HSPG2: variants seen among roughly 807,000 people sequenced by gnomAD.
The protein encoded by HSPG2 is heparan sulfate proteoglycan 2.
Under a neutral mutation model 526.6 loss-of-function variants are expected in HSPG2, and 278 were observed. The observed-to-expected ratio is 0.53, with a 90% CI of 0.48 to 0.58. The LOEUF (loss-of-function observed/expected upper bound fraction) is 0.58, where lower values mean the gene tolerates loss of function less well. Among genes scored for constraint, HSPG2 ranks in the 20% least tolerant of loss-of-function variants. HSPG2 has a pLI of 0.00. For synonymous variants in HSPG2, 2,465 were observed against 2,555.4 expected (o/e 0.96, Z 1.07); for missense variants, 5,354 against 6,099.5 (o/e 0.88, Z 4.07).
chr1:21,828,301 G>A lies in HSPG2; in HGVS notation c.12363C>T (p.Pro4121=), dbSNP rs761632172. ...QPCQHGATCM[P]AGEYEFQCLC... is the part of the protein sequence containing the mutation. ...GGCACTGGAACTCATACTCGCCAGC[G>A]GGCATGCACGTGGCACCATGTTGGC... The change falls in exon 89 of 97, where the codon CCC becomes CCT. Residue 4121 remains proline (P), a synonymous_variant. Transcript: ENST00000374695. This position sits in a 1 kb window ranked among gnomAD's most constrained non-coding sequence, Gnocchi z 6.0. 7.4e-6 allele frequency: 12 copies of A among 1,613,806 alleles called. No individual in the cohort carries two copies. Among genetic ancestry groups the A allele is most frequent in the South Asian group, 3.3e-5 (3 of 91,088 alleles).
chr1:21,828,045 G>A lies in HSPG2; in HGVS notation c.12517C>T (p.Pro4173Ser), dbSNP rs2097984462. 1 of 1,613,642 alleles carries A rather than the reference G, an allele frequency of 6.2e-7. No individual in the cohort carries two copies. Among genetic ancestry groups the A allele is most frequent in the East Asian group, 2.2e-5 (1 of 44,886 alleles). Reference protein sequence around the residue: ...RCLCLPGFSGPRCQQGSGHGI... With the variant: ...RCLCLPGFSGSRCQQGSGHGI... ...GCCTGGGTACCTTGTTGGCAGCGTG[G>A]GCCAGAGAAGCCAGGGAGGCAGAGG... The change falls in exon 90 of 97, where the codon CCA becomes TCA. Residue 4173 changes from proline to serine, a missense_variant. Transcript: ENST00000374695. The surrounding 1 kb of genome is among the most constrained non-coding windows in gnomAD (Gnocchi z 6.0).
chr1:21,870,180 G>A (rs1241785261), intron 33 of HSPG2: 2 of 922,634 alleles, frequency 2.2e-6, no homozygotes, highest in Non-Finnish European at 2.6e-6. Flanking sequence ...TGTGGCCCTA[G>A]GTACAACCTG....
At position 21,829,090 on chromosome 1, in the gene HSPG2, T is replaced by C; in HGVS notation, c.11993-11A>G. ...GCAGAACGGCCAGCCCTGGGGAGGA[T>C]GCCAGGCAGGGTTGGGCACATGGGG... is the stretch of plus-strand genomic sequence containing the variant. On this transcript the variant is annotated splice_polypyrimidine_tract_variant and intron_variant, in intron 87 of 96. Transcript: ENST00000374695. The C allele has an allele frequency of 6.5e-7, 1 of 1,534,366 alleles. No homozygotes were observed. Among genetic ancestry groups the C allele is most frequent in the Non-Finnish European group, 8.7e-7 (1 of 1,143,498 alleles).
chr1:21,906,705 T>A (rs935923539), intron 1 of HSPG2, among the ~76,000 whole-genome samples: 9 of 116,176 alleles, frequency 7.7e-5, no homozygotes, highest in Non-Finnish European at 1.6e-5. Flanking sequence ...CCTAAATGAC[T>A]GAAGCAACAT....
rs550355410 is a variant in HSPG2, at chr1:21,904,522, C to A, written c.64-8212G>T. On this transcript the variant is annotated intron_variant, in intron 1 of 96. Coordinates refer to ENST00000374695, the MANE Select transcript of HSPG2 (RefSeq NM_005529.7). This position sits in a 1 kb window ranked among gnomAD's most constrained non-coding sequence, Gnocchi z 4.4. Reference sequence around the variant, plus strand: ...GCTAGTCACAGAGGCCAAGTCTCCCCTGTACCCCCAGAGTCCCTGCACTCT... The same window carrying A: ...GCTAGTCACAGAGGCCAAGTCTCCCATGTACCCCCAGAGTCCCTGCACTCT... Among the ~76,000 whole-genome samples, 23 of 152,308 alleles carry A rather than the reference C, an allele frequency of 1.5e-4. No homozygotes were observed. The highest frequency in any genetic ancestry group is 3.2e-4 in the Non-Finnish European group (22 of 68,014).
rs1423652646 is a variant in HSPG2 at position 21,832,439 on chromosome 1, C to T, written c.11207+56G>A. ...ATAATGGAGCCCAGGGTAGCACTTG[C>T]CAGACCAAAGCCCTGTGTCCAGTCC... On this transcript the variant is annotated intron_variant, in intron 81 of 96. Transcript: ENST00000374695. 4.2e-6 allele frequency: 6 copies of T among 1,440,488 alleles called. No individual in the cohort carries two copies. The East Asian group carries it at 1.1e-4, about 27-fold the overall frequency. 89.2% of individuals were successfully genotyped at this position (1,440,488 alleles called of 1,614,324 possible).
At chr1:21,873,294 G>A (rs2152745525) in intron 30 of HSPG2, 81 bp downstream of exon 30, 9 of 1,504,938 alleles carry the variant, frequency 6.0e-6, no homozygotes, top group South Asian at 1.1e-5. Context: ...CAAAGCCAAA[G>A]GGGAGTAAAG....
chr1:21,887,193 A>G lies in HSPG2; in HGVS notation c.1078+22T>C. 2 of 1,596,554 alleles carry G rather than the reference A, an allele frequency of 1.3e-6. No homozygotes were observed. The highest frequency in any genetic ancestry group is 2.3e-5 in the East Asian group (1 of 43,220). On this transcript the variant is annotated intron_variant, in intron 9 of 96. Coordinates refer to ENST00000374695, the MANE Select transcript of HSPG2 (RefSeq NM_005529.7). This position sits in a 1 kb window ranked among gnomAD's most constrained non-coding sequence, Gnocchi z 5.0. ...GGCCTGGGCAGGGCAAGGGGGCCTC[A>G]GCTGGACCCTCGGATACTCACGGCA...
chr1:21,844,210 C>G lies in HSPG2; in HGVS notation c.8554G>C (p.Gly2852Arg). The change falls in exon 65 of 97, where the codon GGG (glycine) becomes CGG (arginine). Residue 2852 changes from glycine (G) to arginine (R), a missense_variant. Coordinates refer to ENST00000374695, the MANE Select transcript of HSPG2 (RefSeq NM_005529.7). ...CACGTGACCTGGGCGTGGGCCTGCC[C>G]GGGCACCACGCACTTCAGATCCAGG... ...QTLDLKCVVP[G>R]QAHAQVTWHK... is the part of the protein sequence containing the mutation. The G allele has an allele frequency of 6.2e-7, 1 of 1,613,784 alleles. No homozygotes were observed. Among genetic ancestry groups the G allele is most frequent in the Non-Finnish European group, 8.5e-7 (1 of 1,180,026 alleles).
At chr1:21,868,826 G>A (rs560540791) in intron 33 of HSPG2, 8 of 499,230 alleles carry the variant, frequency 1.6e-5, no homozygotes, top group South Asian at 1.7e-4. Context: ...CTTGACAAAG[G>A]GCCCTCTGAT....
At position 21,830,107 on chromosome 1, in the gene HSPG2, G is replaced by C; in HGVS notation, c.11672-16C>G. ...CCACAGGCCTCTGGGGGGCACATAG[G>C]CCAGTGAAAAGACACGGAGGTGACT... On this transcript the variant is annotated splice_polypyrimidine_tract_variant and intron_variant, in intron 85 of 96. Coordinates refer to ENST00000374695, the MANE Select transcript of HSPG2 (RefSeq NM_005529.7). 1 of 1,577,646 alleles carries C rather than the reference G, an allele frequency of 6.3e-7. No homozygotes were observed. Among genetic ancestry groups the C allele is most frequent in the South Asian group, 1.1e-5 (1 of 87,070 alleles).
At position 21,859,678 on chromosome 1, in the gene HSPG2, T is replaced by C. The variant is rs1339844921; in HGVS notation, c.5183-2A>G. 1.2e-6 allele frequency: 2 copies of C among 1,605,644 alleles called. No homozygotes were observed. Among genetic ancestry groups the C allele is most frequent in the African/African-American group, 1.3e-5 (1 of 74,946 alleles). Reference sequence around the variant, plus strand: ...CGCTGGGGAAGTGGAGCTCGGAGCCTGGTGGGGAGGAGACAAGAGCTTGTT... The same window carrying C: ...CGCTGGGGAAGTGGAGCTCGGAGCCCGGTGGGGAGGAGACAAGAGCTTGTT... On this transcript the variant is annotated splice_acceptor_variant, in intron 41 of 96. Transcript: ENST00000374695. LOFTEE classifies it high-confidence loss of function. This position sits in a 1 kb window ranked among gnomAD's most constrained non-coding sequence, Gnocchi z 5.3.
Position 21,872,783 on chromosome 1 carries a change from G to A in HSPG2, c.3889-23C>T, listed in dbSNP as rs1640753523. 1 of 1,604,792 alleles carries A rather than the reference G, an allele frequency of 6.2e-7. No homozygotes were observed. Among genetic ancestry groups the A allele is most frequent in the East Asian group, 2.2e-5 (1 of 44,466 alleles). On this transcript the variant is annotated intron_variant, in intron 31 of 96. Transcript: ENST00000374695. The surrounding 1 kb of genome is among the most constrained non-coding windows in gnomAD (Gnocchi z 5.5). Reference sequence around the variant, plus strand: ...GGCCTGGGTAGACGGATGGAAGGAGGCAGGCAGGGGACTCAGTGGGTCTCC... The same window carrying A: ...GGCCTGGGTAGACGGATGGAAGGAGACAGGCAGGGGACTCAGTGGGTCTCC...
At position 21,847,856 on chromosome 1, in the gene HSPG2, T is replaced by C; in HGVS notation, c.7874-16A>G. Reference sequence around the variant, plus strand: ...ACGCTGGGCACTGGGGACAGACGGGTGTGGACCACGCAGCCAGAGTGAGAT... The same window carrying C: ...ACGCTGGGCACTGGGGACAGACGGGCGTGGACCACGCAGCCAGAGTGAGAT... On this transcript the variant is annotated splice_polypyrimidine_tract_variant and intron_variant, in intron 60 of 96. Transcript: ENST00000374695. This position sits in a 1 kb window ranked among gnomAD's most constrained non-coding sequence, Gnocchi z 4.1. The C allele has an allele frequency of 6.2e-7, 1 of 1,613,610 alleles. No homozygotes were observed. Among genetic ancestry groups the C allele is most frequent in the East Asian group, 2.2e-5 (1 of 44,874 alleles).
chr1:21,854,474 G>A lies in HSPG2; in HGVS notation c.6289-131C>T, dbSNP rs1639174989. On this transcript the variant is annotated intron_variant, in intron 49 of 96. Transcript: ENST00000374695. ...GCCATCCCATGCTAGAAACTGGGAG[G>A]GAGGGAGATGAGGCCTGGCTTCTGC... is the stretch of plus-strand genomic sequence containing the variant. The A allele has an allele frequency of 6.2e-6, 9 of 1,452,902 alleles. No homozygotes were observed. In the South Asian group the frequency reaches 7.8e-5, roughly 13 times the overall value. 90.0% of individuals were successfully genotyped at this position (1,452,902 alleles called of 1,614,324 possible).
chr1:21,851,133 C>A (rs1432664436), intron 55 of HSPG2, among the ~76,000 whole-genome samples: 1 of 152,004 alleles, frequency 6.6e-6, no homozygotes, highest in Non-Finnish European at 1.5e-5. Context: ...CCACTATGCC[C>A]GGCTAATTTT....
At position 21,855,896 on chromosome 1, in the gene HSPG2, G is replaced by A. The variant is rs376398201; in HGVS notation, c.5592C>T (p.Ser1864=). The change falls in exon 45 of 97, where the codon TCC becomes TCT. Residue 1864 remains serine (S), a synonymous_variant. Transcript: ENST00000374695. ...GCGGATGGATGGAGACCACGGGGGC[G>A]GACAAGGTGCCCGAGGCTGACAAGG... ...TLHVQASGTL[S]APVVSIHPPQ... The A allele has an allele frequency of 1.1e-5, 18 of 1,610,570 alleles. No individual in the cohort carries two copies. The highest frequency in any genetic ancestry group is 2.7e-5 in the African/African-American group (2 of 74,934).
chr1:21,835,356 C>T, intron 76 of HSPG2, 184 bp downstream of exon 76: 1 of 637,820 alleles, frequency 1.6e-6, no homozygotes, highest in Non-Finnish European at 2.8e-6. Flanking sequence ...TTCTTCCCTC[C>T]CTTGAAATAT....
chr1:21,874,880 CCAGGACTCACCTGG>C lies in HSPG2; in HGVS notation c.3411_3414+10del. The stretch of plus-strand genomic sequence containing the variant: ...GGGGCTGGCTGGGCTGGCGTGGGGC[CCAGGACTCACCTGG>C]CAGGACGGCCCACGGTACCCGGGTG... On this transcript the variant is annotated splice_donor_variant and splice_donor_5th_base_variant and coding_sequence_variant and intron_variant, in exon 26 of 97. Coordinates refer to ENST00000374695, the MANE Select transcript of HSPG2 (RefSeq NM_005529.7). LOFTEE classifies it high-confidence loss of function. The C allele has an allele frequency of 6.2e-7, 1 of 1,604,816 alleles. No homozygotes were observed. The highest frequency in any genetic ancestry group is 8.5e-7 in the Non-Finnish European group (1 of 1,174,084).
Sources: allele counts gnomAD v4.1 joint callset (sites outside exome capture counted in the v4.1 genomes callset), GRCh38; gene constraint gnomAD v4.1.1; non-coding constraint Gnocchi (gnomAD v3.1); transcripts MANE v1.5; gene names NCBI Gene and HGNC (gene_info 2026-07-23, HGNC 2026-07-21).